Variants in MCC observed in about 807,000 individuals in gnomAD.
MCC encodes MCC regulator of Wnt signaling pathway.
A neutral mutation model predicts 116.2 loss-of-function variants in MCC; 90 were observed. The ratio of observed to expected loss-of-function variants is 0.77; its 90% confidence interval spans 0.65 to 0.92. The LOEUF is 0.92. MCC is among the 40% of genes least tolerant of loss of function. MCC has a pLI of 0.00. For missense variants in MCC, 1,516 were observed against 1,312.2 expected, an observed-to-expected ratio of 1.16 and a Z score of -2.40; for synonymous variants, 578 against 510.5, an observed-to-expected ratio of 1.13 and a Z score of -1.78.
At chr5:113,105,851 C>G (rs1448453120) in intron 6 of MCC, among the ~76,000 whole-genome samples, 1 of 152,190 alleles carries the variant, frequency 6.6e-6, no homozygotes, top group Non-Finnish European at 1.5e-5. Context: ...CATCAACATT[C>G]ATATAAAGTC....
At position 113,104,225 on chromosome 5, in the gene MCC, G is replaced by A; in HGVS notation, c.1158C>T (p.Thr386=). 1 of 1,613,956 alleles carries A rather than the reference G, an allele frequency of 6.2e-7. No individual in the cohort carries two copies. The highest frequency in any genetic ancestry group is 8.5e-7 in the Non-Finnish European group (1 of 1,179,948). ...AEVDKHIEQL[T]TASEHCDLAI... The stretch of plus-strand genomic sequence containing the variant: ...CCAGGTCACAGTGCTCGCTGGCTGT[G>A]GTGAGCTGCTCAATGTGCTTGTCCA... Residue 386 remains threonine (T), a synonymous_variant, in exon 7 of 19, where the codon ACC becomes ACT. Transcript: ENST00000408903.
At chr5:113,209,555 AT>A (rs1378056680) in intron 3 of MCC, among the ~76,000 whole-genome samples, 88 of 152,324 alleles carry the variant, frequency 5.8e-4, no homozygotes, top group African/African-American at 2.0e-3. Context: ...GGCTGCAATA[AT>A]TTTATTGTAA....
At chr5:113,282,145 G>GA (rs1030433191) in intron 3 of MCC, among the ~76,000 whole-genome samples, 14 of 151,490 alleles carry the variant, frequency 9.2e-5, no homozygotes, top group Non-Finnish European at 8.9e-5. Context: ...TATAACTTTA[G>GA]AAAAAAAATA....
intron 14 of MCC, among the ~76,000 whole-genome samples, chr5:113,058,770 G>C (rs1753008810): frequency 6.6e-6 from 1 of 152,246 alleles, no homozygotes; most frequent in Admixed American, 6.5e-5. Flanking sequence ...TCACTAAGTT[G>C]TGGAAAGGAT....
At chr5:113,100,257 A>C (rs1045085580) in intron 8 of MCC, among the ~76,000 whole-genome samples, 1 of 152,176 alleles carries the variant, frequency 6.6e-6, no homozygotes, top group Non-Finnish European at 1.5e-5. Flanking sequence ...CAAATGAGGA[A>C]GAGTTGATAA....
At chr5:113,063,292 C>T (rs576538038) in intron 14 of MCC, among the ~76,000 whole-genome samples, 5 of 152,318 alleles carry the variant, frequency 3.3e-5, no homozygotes, top group Non-Finnish European at 1.5e-5. Context: ...TGTTCTGACT[C>T]TCCACTCCCA....
chr5:113,455,284 C>G (rs1166676051), intron 1 of MCC, among the ~76,000 whole-genome samples: 2 of 152,182 alleles, frequency 1.3e-5, no homozygotes, highest in Admixed American at 6.5e-5. Flanking sequence ...AGGCCACCTG[C>G]CTGCTAGCCC....
intron 6 of MCC, among the ~76,000 whole-genome samples, chr5:113,110,137 C>G (rs968431937): frequency 2.0e-5 from 3 of 152,184 alleles, no homozygotes; most frequent in Admixed American, 1.3e-4. Flanking sequence ...TCAAAGGAAA[C>G]TGTTCTACAT....
At chr5:113,302,255 CA>C (rs142584118) in intron 3 of MCC, among the ~76,000 whole-genome samples, 14 of 151,392 alleles carry the variant, frequency 9.2e-5, no homozygotes, top group South Asian at 6.3e-4. Flanking sequence ...ACATTAACCA[CA>C]AAAAAAACCC....
At chr5:113,470,069 G>A (rs570184145) in intron 1 of MCC, among the ~76,000 whole-genome samples, 19 of 151,564 alleles carry the variant, frequency 1.3e-4, no homozygotes, top group Admixed American at 5.9e-4. Flanking sequence ...TTGAGCCTAT[G>A]TGTGTCTCTG....
rs60963597 is a variant in MCC at position 113,311,798 on chromosome 5, C to T, written c.627+28721G>A. 7.3e-3 allele frequency among the ~76,000 whole-genome samples: 1,100 copies of T among 151,524 alleles called. 11 individuals carry two copies. The highest frequency in any genetic ancestry group is 0.026 in the African/African-American group (1,056 of 41,302). ...ACCAGCTTGGGCAACATGGTAAAAC[C>T]CCGTCTCTACTAAAAATACAAAAAT... is the stretch of plus-strand genomic sequence containing the variant. On this transcript the variant is annotated intron_variant, in intron 3 of 18. Coordinates refer to ENST00000408903, the MANE Select transcript of MCC (RefSeq NM_001085377.2).
intron 3 of MCC, among the ~76,000 whole-genome samples, chr5:113,184,193 G>A (rs746037743): frequency 2.0e-5 from 3 of 152,020 alleles, no homozygotes; most frequent in Non-Finnish European, 4.4e-5. Flanking sequence ...GGATAATATC[G>A]ATATTCTGAC....
intron 1 of MCC, among the ~76,000 whole-genome samples, 168 bp downstream of exon 1, chr5:113,488,077 C>A (rs1580437948): frequency 6.6e-6 from 1 of 152,096 alleles, no homozygotes; most frequent in Admixed American, 6.5e-5. Context: ...GCAGTCCCCT[C>A]GGCCTTCGTG....
At chr5:113,420,920 A>C (rs1286415202) in intron 1 of MCC, among the ~76,000 whole-genome samples, 1 of 152,206 alleles carries the variant, frequency 6.6e-6, no homozygotes, top group Non-Finnish European at 1.5e-5. Context: ...TGTTAAATAT[A>C]ATATATTCAA....
In MCC at chr5:113,026,451, C is replaced by G. The variant is rs1481947894; in HGVS notation, c.*851G>C. 3 of 152,238 alleles carry G rather than the reference C, an allele frequency of 2.0e-5. No individual in the cohort carries two copies. Among genetic ancestry groups the G allele is most frequent in the Non-Finnish European group, 2.9e-5 (2 of 68,064 alleles). The allele number at this position is 152,238 out of a possible 1,614,324, so 9.4% of individuals were successfully genotyped here. ...GGCGGGAAGTGCTAATAATGTTTCT[C>G]AGCTCTTGAAGAAACCCCTGACAGA... On this transcript the variant is annotated 3_prime_UTR_variant, in exon 19 of 19. Transcript: ENST00000408903.
At chr5:113,399,624 G>A (rs1191100989) in intron 1 of MCC, among the ~76,000 whole-genome samples, 3 of 152,076 alleles carry the variant, frequency 2.0e-5, no homozygotes, top group Non-Finnish European at 4.4e-5. Flanking sequence ...GTATTTTGCA[G>A]CTGATTTTCT....
intron 3 of MCC, among the ~76,000 whole-genome samples, chr5:113,314,794 G>T (rs1767239747): frequency 6.6e-6 from 1 of 152,034 alleles, no homozygotes; most frequent in African/African-American, 2.4e-5. Context: ...CACCATGTTG[G>T]CCAGGCTGGT....
At chr5:113,117,637 TTTTG>T (rs535103358) in intron 6 of MCC, among the ~76,000 whole-genome samples, 181 of 152,248 alleles carry the variant, frequency 1.2e-3, no homozygotes, top group African/African-American at 4.1e-3. Flanking sequence ...CCATCAGGGA[TTTTG>T]TTTGTTTTGG....
chr5:113,306,685 T>C (rs1304111616), intron 3 of MCC, among the ~76,000 whole-genome samples: 1 of 152,202 alleles, frequency 6.6e-6, no homozygotes, highest in African/African-American at 2.4e-5. Flanking sequence ...TTCCCTTTCT[T>C]GGTAGAGCCC....
Sources: gnomAD v4.1 joint callset for allele counts (sites outside exome capture counted in the v4.1 genomes callset) on GRCh38, gnomAD v4.1.1 for gene constraint, MANE v1.5 for transcripts, NCBI Gene and HGNC (gene_info 2026-07-23, HGNC 2026-07-21) for gene names.